PAK6: variants seen among roughly 807,000 people sequenced by gnomAD.
PAK6 encodes the protein p21 (RAC1) activated kinase 6, also known as serine/threonine-protein kinase PAK 6.
A neutral mutation model predicts 60.8 loss-of-function variants in PAK6; 33 were observed. The observed-to-expected ratio is 0.54, with a 90% CI of 0.41 to 0.73. PAK6 has a LOEUF of 0.73. Ranked by LOEUF, PAK6 falls within the 30% of genes least tolerant of loss-of-function variation. The pLI is 0.00. For synonymous variants in PAK6, 404 were observed against 378.5 expected, an observed-to-expected ratio of 1.07 and a Z score of -0.78; for missense variants, 845 against 904.1, an observed-to-expected ratio of 0.93 and a Z score of 0.84.
chr15:40,275,118 G>C (rs1393037972), intron 10 of PAK6, among the ~76,000 whole-genome samples: 1 of 151,986 alleles, frequency 6.6e-6, no homozygotes, highest in Non-Finnish European at 1.5e-5. Flanking sequence ...CCAAGACTCA[G>C]CCTCATCCCA....
chr15:40,273,715 A>T (rs200563236), intron 9 of PAK6, 39 bp downstream of exon 9: 2 of 1,602,188 alleles, frequency 1.2e-6, no homozygotes, highest in East Asian at 4.5e-5. Context: ...CCCAAAAGCA[A>T]CTTGGCAACT....
intron 3 of PAK6, among the ~76,000 whole-genome samples, chr15:40,256,020 TG>T (rs2038824061): frequency 6.6e-6 from 1 of 152,176 alleles, no homozygotes; most frequent in South Asian, 2.1e-4. Context: ...CCCCAGAGCC[TG>T]GAGTAGAGTA....
chr15:40,277,143 A>G (rs746353782), exon 11 of PAK6: 7 of 152,050 alleles, frequency 4.6e-5, no homozygotes, highest in Non-Finnish European at 7.4e-5. Flanking sequence ...AAGGCGAACC[A>G]CCTCCGGGTT....
intron 10 of PAK6, among the ~76,000 whole-genome samples, chr15:40,274,653 C>T (rs979296047): frequency 3.3e-5 from 5 of 152,246 alleles, no homozygotes; most frequent in African/African-American, 7.2e-5. Flanking sequence ...CCTTCTAACC[C>T]GTGTCGGGAG....
intron 2 of PAK6, chr15:40,247,411 C>T (rs1478135092): frequency 6.6e-6 from 1 of 152,048 alleles, no homozygotes; most frequent in East Asian, 1.9e-4. Flanking sequence ...TTGCTGTTCC[C>T]CAGCCCTTCC....
chr15:40,273,073 C>T, intron 7 of PAK6, 74 bp downstream of exon 7: 1 of 1,563,090 alleles, frequency 6.4e-7, no homozygotes, highest in Non-Finnish European at 8.7e-7. Context: ...ATGTGGTCTT[C>T]TGCCTGTGGC....
intron 2 of PAK6, 107 bp from the exon 3 acceptor site, chr15:40,253,071 A>G: frequency 2.5e-6 from 1 of 395,508 alleles, no homozygotes; most frequent in South Asian, 1.9e-5. Context: ...TTCAGTCGGG[A>G]GGCGGGCGCG....
chr15:40,276,622 C>G (rs2242119), exon 11 of PAK6: 1 of 152,774 alleles, frequency 6.5e-6, no homozygotes. Context: ...CCTCCCCGCC[C>G]AGAACTGTGA....
exon 11 of PAK6, chr15:40,276,749 C>CGTGTATGTGT (rs2039466103): frequency 1.5e-5 from 2 of 134,436 alleles, no homozygotes; most frequent in African/African-American, 5.6e-5. Context: ...GAGAGAACAT[C>CGTGTATGTGT]GTGTGTGTGT....
chr15:40,241,040 C>G (rs1392770035), intron 2 of PAK6, among the ~76,000 whole-genome samples: 1 of 152,208 alleles, frequency 6.6e-6, no homozygotes, highest in East Asian at 1.9e-4. Context: ...TTAGGGAGCA[C>G]TGCTGGGTCC....
chr15:40,270,484 G>A (rs2039270699), intron 5 of PAK6, among the ~76,000 whole-genome samples: 2 of 152,306 alleles, frequency 1.3e-5, no homozygotes, highest in South Asian at 4.1e-4. Context: ...CTGCATTGTA[G>A]TGGAGACAGG....
chr15:40,271,168 C>T (rs757900025), intron 5 of PAK6, among the ~76,000 whole-genome samples: 12 of 152,206 alleles, frequency 7.9e-5, no homozygotes, highest in African/African-American at 1.2e-4. Flanking sequence ...TTTAAAAACA[C>T]GTAATCCCTG....
intron 2 of PAK6, chr15:40,245,458 C>T (rs1437388277): frequency 1.3e-5 from 2 of 152,218 alleles, no homozygotes; most frequent in Non-Finnish European, 2.9e-5. Context: ...GCTCTAGCCT[C>T]CATTTTCTTT....
chr15:40,277,160 A>T (rs2039479093), exon 11 of PAK6: 1 of 152,232 alleles, frequency 6.6e-6, no homozygotes, highest in South Asian at 2.1e-4. Flanking sequence ...GGTTTCCATC[A>T]TGTCAAGGTC....
chr15:40,252,712 G>C (rs1168622278), intron 2 of PAK6: 1 of 1,304,156 alleles, frequency 7.7e-7, no homozygotes, highest in Non-Finnish European at 1.0e-6. Context: ...CGGCTGCCCC[G>C]GAGGTTCGCG....
chr15:40,255,548 C>T (rs551330078), intron 3 of PAK6, among the ~76,000 whole-genome samples: 2 of 152,276 alleles, frequency 1.3e-5, no homozygotes, highest in African/African-American at 4.8e-5. Context: ...GCGTCTAGGA[C>T]CCTCCTCCCC....
intron 5 of PAK6, among the ~76,000 whole-genome samples, chr15:40,270,639 GAC>G (rs1398055068): frequency 6.6e-6 from 1 of 152,230 alleles, no homozygotes; most frequent in East Asian, 1.9e-4. Flanking sequence ...AGTGGATGGT[GAC>G]AGTCAGGTGC....
chr15:40,267,363 G>A (rs1276118295), intron 5 of PAK6, among the ~76,000 whole-genome samples: 1 of 152,188 alleles, frequency 6.6e-6, no homozygotes. Context: ...GGTACTCAGA[G>A]AAAGTTCTGG....
chr15:40,268,507 C>G (rs532452456), intron 5 of PAK6, among the ~76,000 whole-genome samples: 3 of 152,224 alleles, frequency 2.0e-5, no homozygotes, highest in African/African-American at 7.2e-5. Flanking sequence ...CCTCCACCAC[C>G]ACCTACCCCA....
Sources: gnomAD v4.1 joint callset for allele counts (sites outside exome capture counted in the v4.1 genomes callset) on GRCh38, gnomAD v4.1.1 for gene constraint, MANE v1.5 for transcripts, NCBI Gene and HGNC (gene_info 2026-07-23, HGNC 2026-07-21) for gene names.